The following TGM2 variants were observed in gnomAD, a reference collection of about 807,000 sequenced individuals.
The protein encoded by TGM2 is protein-glutamine gamma-glutamyltransferase 2.
Under a neutral mutation model 75.6 loss-of-function variants are expected in TGM2, and 53 were observed. The observed-to-expected ratio is 0.70, with a 90% CI of 0.56 to 0.88. The LOEUF is 0.88. Among genes scored for constraint, TGM2 ranks in the 40% least tolerant of loss-of-function variants. The pLI is 0.00. For missense variants in TGM2, 842 were observed against 928.5 expected, an observed-to-expected ratio of 0.91 and a Z score of 1.21; for synonymous variants, 374 against 381.1, an observed-to-expected ratio of 0.98 and a Z score of 0.22.
At chr20:38,137,680 G>A (rs1297858744) in intron 10 of TGM2, among the ~76,000 whole-genome samples, 1 of 152,176 alleles carries the variant, frequency 6.6e-6, no homozygotes, top group Non-Finnish European at 1.5e-5. Context: ...CACAGGAGAG[G>A]TTCTCGAAGG....
At chr20:38,155,438 C>T (rs1356053098) in intron 3 of TGM2, among the ~76,000 whole-genome samples, 1 of 152,138 alleles carries the variant, frequency 6.6e-6, no homozygotes, top group African/African-American at 2.4e-5. Flanking sequence ...ACTTCCTGGA[C>T]ACAAGTGATC....
At position 38,144,920 on chromosome 20, in the gene TGM2, A is replaced by G. The variant is rs528395947; in HGVS notation, c.859+1797T>C. Among the ~76,000 whole-genome samples, 38 of 152,324 alleles carry G rather than the reference A, an allele frequency of 2.5e-4. 1 individual carries two copies. In the South Asian group the frequency reaches 7.5e-3, roughly 30 times the overall value. ...GCTGAGGGGCAGGATCTGCTGCTCA[A>G]TCTTCAGGCGGCCACAGCCCAGGGT... On this transcript the variant is annotated intron_variant, in intron 6 of 12. Coordinates refer to ENST00000361475, the MANE Select transcript of TGM2 (RefSeq NM_004613.4).
chr20:38,161,764 A>G (rs2076379), intron 1 of TGM2, among the ~76,000 whole-genome samples, 165 bp from the exon 2 acceptor site: 72,440 of 152,072 alleles, frequency 0.48, 19,521 homozygotes, highest in Non-Finnish European at 0.62. Context: ...CACGGGGGCT[A>G]GGTGGGGCCC....
At chr20:38,148,762 T>C (rs1184823145) in intron 4 of TGM2, among the ~76,000 whole-genome samples, 1 of 152,212 alleles carries the variant, frequency 6.6e-6, no homozygotes, top group East Asian at 1.9e-4. Flanking sequence ...GCTATTTCTC[T>C]GCTCAGAATG....
intron 6 of TGM2, chr20:38,145,894 A>T (rs1359954517): frequency 6.7e-6 from 1 of 150,274 alleles, no homozygotes; most frequent in African/African-American, 2.5e-5. Flanking sequence ...CAGCCTTCTG[A>T]GTAGCCAAGA....
chr20:38,136,556 G>C (rs1427082766), intron 10 of TGM2, among the ~76,000 whole-genome samples: 1 of 152,186 alleles, frequency 6.6e-6, no homozygotes, highest in Non-Finnish European at 1.5e-5. Context: ...TGATGGGGAC[G>C]CTAAGGTGCA....
intron 6 of TGM2, among the ~76,000 whole-genome samples, chr20:38,144,369 T>C (rs1223989569): frequency 6.6e-6 from 1 of 152,204 alleles, no homozygotes; most frequent in African/African-American, 2.4e-5. Context: ...CACAGCCTTG[T>C]CTGCCCATTC....
In TGM2 at chr20:38,130,376, G is replaced by T. The variant is rs2076377; in HGVS notation, c.1914-7C>A. 20 of 1,581,236 alleles carry T rather than the reference G, an allele frequency of 1.3e-5. No homozygotes were observed. In the South Asian group the frequency reaches 1.9e-4, roughly 15 times the overall value. ...TGCCTCCACGGGGTCTGGGCTGCAG[G>T]GAGAGAGGGGGTGGTGAGGAAAGGG... On this transcript the variant is annotated splice_region_variant and splice_polypyrimidine_tract_variant and intron_variant, in intron 12 of 12. Transcript: ENST00000361475.
intron 3 of TGM2, among the ~76,000 whole-genome samples, chr20:38,155,113 A>T (rs888049815): frequency 6.6e-6 from 1 of 152,034 alleles, no homozygotes; most frequent in African/African-American, 2.4e-5. Context: ...TCTCAAAAAC[A>T]AAACAAAACA....
chr20:38,132,402 T>C lies in TGM2; in HGVS notation c.1714A>G (p.Ile572Val), dbSNP rs1254410669. The change falls in exon 11 of 13, where the codon ATC becomes GTC. Residue 572 changes from isoleucine (I) to valine (V), a missense_variant. Coordinates refer to ENST00000361475, the MANE Select transcript of TGM2 (RefSeq NM_004613.4). ...CTCTCAGCCAGCAGGTAGCTGTTGA[T>C]AACTGGCTCCACGAGGAGGGCCCGC... ...KVRALLVEPVINSYLLAERDL... is the reference protein window; with the variant it reads ...KVRALLVEPVVNSYLLAERDL... 6.2e-7 allele frequency: 1 copy of C among 1,614,158 alleles called. No individual in the cohort carries two copies. The highest frequency in any genetic ancestry group is 2.2e-5 in the East Asian group (1 of 44,876).
chr20:38,135,678 C>T (rs2074891942), intron 10 of TGM2, among the ~76,000 whole-genome samples: 1 of 152,036 alleles, frequency 6.6e-6, no homozygotes, highest in Non-Finnish European at 1.5e-5. Flanking sequence ...GGGCCGGGTC[C>T]TTTCTACACC....
intron 3 of TGM2, among the ~76,000 whole-genome samples, chr20:38,153,461 G>A (rs1015134373): frequency 3.4e-5 from 5 of 145,450 alleles, no homozygotes; most frequent in African/African-American, 7.8e-5. Flanking sequence ...GGAGGCAGAG[G>A]TTGGAGTGAG....
chr20:38,157,553 C>G (rs936109370), intron 2 of TGM2, among the ~76,000 whole-genome samples: 5 of 152,256 alleles, frequency 3.3e-5, no homozygotes, highest in African/African-American at 1.2e-4. Context: ...AGGTTCGAAA[C>G]TGGCTCTCTG....
chr20:38,147,865 C>G, intron 5 of TGM2, 96 bp downstream of exon 5: 1 of 1,526,980 alleles, frequency 6.5e-7, no homozygotes, highest in Non-Finnish European at 8.9e-7. Flanking sequence ...CTCCCGGGTC[C>G]CCCACCGCGC....
At chr20:38,143,558 C>T (rs1421607515) in intron 6 of TGM2, among the ~76,000 whole-genome samples, 2 of 152,156 alleles carry the variant, frequency 1.3e-5, no homozygotes, top group Non-Finnish European at 2.9e-5. Flanking sequence ...CTGAGCTCAG[C>T]TCAGAGAGGC....
At chr20:38,157,444 C>G (rs1378960911) in intron 2 of TGM2, among the ~76,000 whole-genome samples, 1 of 152,238 alleles carries the variant, frequency 6.6e-6, no homozygotes, top group African/African-American at 2.4e-5. Context: ...TGCCCCTGAG[C>G]ACTGTGTGAC....
intron 10 of TGM2, 50 bp from the exon 11 acceptor site, chr20:38,132,550 C>T: frequency 1.2e-6 from 2 of 1,609,778 alleles, no homozygotes; most frequent in Non-Finnish European, 1.7e-6. Flanking sequence ...TCACCCCTCC[C>T]AACTCTCTTG....
intron 3 of TGM2, 50 bp downstream of exon 3, chr20:38,155,797 G>A (rs1259643620): frequency 6.4e-7 from 1 of 1,563,996 alleles, no homozygotes; most frequent in Non-Finnish European, 8.7e-7. Context: ...TCCATGGGCG[G>A]ATCCAGCCCT....
chr20:38,164,673 G>A (rs943712297), intron 1 of TGM2, among the ~76,000 whole-genome samples: 4 of 152,136 alleles, frequency 2.6e-5, no homozygotes, highest in Admixed American at 1.3e-4. Flanking sequence ...GTTGCAGAAC[G>A]TGAGGGCGGG....
Sources: gnomAD v4.1 joint callset for allele counts (sites outside exome capture counted in the v4.1 genomes callset) on GRCh38, gnomAD v4.1.1 for gene constraint, MANE v1.5 for transcripts, NCBI Gene and HGNC (gene_info 2026-07-23, HGNC 2026-07-21) for gene names.